The following FSTL4 variants were observed in gnomAD, a reference collection of about 807,000 sequenced individuals.
FSTL4 encodes the protein follistatin like 4.
In FSTL4, 28 loss-of-function variants were observed where a neutral mutation model predicts 78.2. The observed-to-expected ratio is 0.36, with a 90% CI of 0.27 to 0.49. The LOEUF is 0.49. Ranked by LOEUF, FSTL4 falls within the 20% of genes least tolerant of loss-of-function variation. The probability of loss-of-function intolerance (pLI) is 0.98; values close to 1 mark genes in which losing one functional copy is unlikely to be tolerated. For missense variants in FSTL4, 922 were observed against 1,084.9 expected (o/e 0.85, Z 2.11); for synonymous variants, 422 against 440.5 (o/e 0.96, Z 0.53).
the FSTL4 span, among the ~76,000 whole-genome samples, chr5:133,826,001 A>G: frequency 5.2e-4 from 79 of 152,364 alleles, no homozygotes; most frequent in Non-Finnish European, 5.9e-5. Flanking sequence ...ACTTCAGGGC[A>G]AAAGGCCCCA....
At chr5:133,684,588 A>G in the FSTL4 span, among the ~76,000 whole-genome samples, 11 of 152,336 alleles carry the variant, frequency 7.2e-5, no homozygotes, top group Admixed American at 7.2e-4. Context: ...AGTTCCATAC[A>G]GATTCTCTGT....
At chr5:133,542,148 T>C in intron 3 of FSTL4, among the ~76,000 whole-genome samples, 1 of 152,222 alleles carries the variant, frequency 6.6e-6, no homozygotes, top group Non-Finnish European at 1.5e-5. Flanking sequence ...AGAAGTTCCC[T>C]TCTATTTGGT....
chr5:133,265,534 G>GT (rs1752623850), intron 6 of FSTL4, among the ~76,000 whole-genome samples: 1 of 152,238 alleles, frequency 6.6e-6, no homozygotes, highest in Non-Finnish European at 1.5e-5. Flanking sequence ...TGGGGCAGGG[G>GT]TGGGGCAGGA....
In FSTL4 at chr5:133,390,559, AG is replaced by A. The variant is rs1460004844; in HGVS notation, c.409+10178del. On this transcript the variant is annotated intron_variant, in intron 4 of 15. Coordinates refer to ENST00000265342, the MANE Select transcript of FSTL4 (RefSeq NM_015082.2). ...TTCCCGGAGACCCAGGATGCTGTACAGGGCTGGGCCCCAGCTTTCTGTAGTT... is the reference window on the plus strand; with the variant it reads ...TTCCCGGAGACCCAGGATGCTGTACAGGCTGGGCCCCAGCTTTCTGTAGTT... Among the ~76,000 whole-genome samples, 7 of 152,346 alleles carry A rather than the reference AG, an allele frequency of 4.6e-5. No homozygotes were observed. The East Asian group carries it at 1.4e-3, about 29-fold the overall frequency.
intron 3 of FSTL4, among the ~76,000 whole-genome samples, chr5:133,420,874 A>G (rs1279930567): frequency 1.3e-5 from 2 of 152,126 alleles, no homozygotes; most frequent in East Asian, 3.8e-4. Context: ...ATCCTCTTTG[A>G]ATTTGTGTTC....
chr5:133,224,357 C>A (rs1751258954), intron 10 of FSTL4, 141 bp from the exon 11 acceptor site: 2 of 632,624 alleles, frequency 3.2e-6, no homozygotes, highest in Middle Eastern at 2.6e-4. Context: ...CTATACCACT[C>A]ATTGCCCTAG....
chr5:133,510,636 A>T (rs1758710114), intron 3 of FSTL4, among the ~76,000 whole-genome samples: 1 of 151,972 alleles, frequency 6.6e-6, no homozygotes. Context: ...TTTATCTCCC[A>T]CTCCAAGAGA....
At chr5:133,527,234 A>G (rs1759149455) in intron 3 of FSTL4, among the ~76,000 whole-genome samples, 1 of 152,152 alleles carries the variant, frequency 6.6e-6, no homozygotes, top group Admixed American at 6.5e-5. Context: ...TTCTCTGCAA[A>G]TTGAGGGGTA....
rs1180059514 is a variant in FSTL4 at position 133,233,448 on chromosome 5, C to G, written c.984G>C (p.Gln328His). 2 of 1,614,222 alleles carry G rather than the reference C, an allele frequency of 1.2e-6. No individual in the cohort carries two copies. Among genetic ancestry groups the G allele is most frequent in the Non-Finnish European group, 1.7e-6 (2 of 1,180,036 alleles). ...NYTCHASGHE[Q>H]LFQTHVLQVN... ...CCTGCAGGACGTGGGTCTGGAACAG[C>G]TGCTCGTGGCCGGAAGCATGGCAGG... The change falls in exon 8 of 16, where the codon CAG becomes CAC. Residue 328 changes from glutamine to histidine, a missense_variant. Physicochemically the swap from Gln to His is conservative, Grantham distance 24 (BLOSUM62 0). Coordinates refer to ENST00000265342, the MANE Select transcript of FSTL4 (RefSeq NM_015082.2).
chr5:133,354,281 G>A (rs1433013791), intron 4 of FSTL4, among the ~76,000 whole-genome samples: 1 of 152,208 alleles, frequency 6.6e-6, no homozygotes, highest in African/African-American at 2.4e-5. Context: ...ACACACGCAT[G>A]AGCCAGCGCC....
chr5:133,817,399 A>T, the FSTL4 span, among the ~76,000 whole-genome samples: 1 of 152,136 alleles, frequency 6.6e-6, no homozygotes, highest in Non-Finnish European at 1.5e-5. Flanking sequence ...AGGAGCTTTC[A>T]CATAGTGAAT....
chr5:133,814,924 T>G, the FSTL4 span, among the ~76,000 whole-genome samples: 4,159 of 152,326 alleles, frequency 0.027, 95 homozygotes, highest in East Asian at 0.11. Flanking sequence ...CCTCTCATAC[T>G]GCACACATGC....
the FSTL4 span, among the ~76,000 whole-genome samples, chr5:133,695,172 C>T: frequency 1.3e-5 from 2 of 152,184 alleles, no homozygotes; most frequent in African/African-American, 4.8e-5. Flanking sequence ...ACTGCTTCCT[C>T]ATGATCGTCA....
chr5:133,655,435 CA>C, the FSTL4 span, among the ~76,000 whole-genome samples: 2 of 152,182 alleles, frequency 1.3e-5, no homozygotes, highest in African/African-American at 2.4e-5. Context: ...CAGCAATTTT[CA>C]AATTGCCATC....
intron 4 of FSTL4, among the ~76,000 whole-genome samples, chr5:133,382,317 T>C (rs769010923): frequency 1.3e-5 from 2 of 152,228 alleles, no homozygotes; most frequent in Non-Finnish European, 2.9e-5. Context: ...GAGAAACTTT[T>C]ACTGGGGTGC....
intron 4 of FSTL4, among the ~76,000 whole-genome samples, chr5:133,332,588 G>C (rs1359711378): frequency 6.6e-6 from 1 of 152,234 alleles, no homozygotes; most frequent in Non-Finnish European, 1.5e-5. Flanking sequence ...ATATGGTGCA[G>C]ATCACGTGTC....
chr5:133,199,899 C>T lies in FSTL4; in HGVS notation c.1827-102G>A, dbSNP rs1214858698. On this transcript the variant is annotated intron_variant, in intron 15 of 15. Transcript: ENST00000265342. This position sits in a 1 kb window ranked among gnomAD's most constrained non-coding sequence, Gnocchi z 4.4. ...CTCTGCCTTTTCCCTTTATTATAAT[C>T]CTTCAGTGATCTAATAGCCTAGTAA... The T allele has an allele frequency of 1.6e-6, 1 of 634,232 alleles. No individual in the cohort carries two copies. The highest frequency in any genetic ancestry group is 2.8e-6 in the Non-Finnish European group (1 of 354,946). The allele number at this position is 634,232 out of a possible 1,614,324, so 39.3% of individuals were successfully genotyped here.
chr5:133,611,285 T>C lies in FSTL4; in HGVS notation c.-11+1040A>G, dbSNP rs777841492. ...CGCCGCGCGGAGGCTCGCCGCGCTC[T>C]GGAAAACAAGAAACCCCACTGCCTC... is the stretch of plus-strand genomic sequence containing the variant. On this transcript the variant is annotated intron_variant, in intron 1 of 15. Transcript: ENST00000265342. The surrounding 1 kb of genome is among the most constrained non-coding windows in gnomAD (Gnocchi z 4.9). Among the ~76,000 whole-genome samples the C allele has an allele frequency of 9.8e-4, 149 of 152,256 alleles. No homozygotes were observed. Among genetic ancestry groups the C allele is most frequent in the Non-Finnish European group, 1.8e-3 (125 of 68,010 alleles).
At chr5:133,513,505 C>T (rs951147635) in intron 3 of FSTL4, among the ~76,000 whole-genome samples, 1 of 152,180 alleles carries the variant, frequency 6.6e-6, no homozygotes, top group African/African-American at 2.4e-5. Flanking sequence ...CAGGGCAGAG[C>T]AGCAGCCAGT....
Sources: allele counts gnomAD v4.1 joint callset (sites outside exome capture counted in the v4.1 genomes callset), GRCh38; gene constraint gnomAD v4.1.1; non-coding constraint Gnocchi (gnomAD v3.1); transcripts MANE v1.5; gene names NCBI Gene and HGNC (gene_info 2026-07-23, HGNC 2026-07-21).